CRACDL: variants seen among roughly 807,000 people sequenced by gnomAD.
CRACDL encodes CRACD like.
A neutral mutation model predicts 70.6 loss-of-function variants in CRACDL; 26 were observed. The observed-to-expected ratio is 0.37, with a 90% CI of 0.27 to 0.51. CRACDL has a LOEUF of 0.51. CRACDL is among the 20% of genes least tolerant of loss of function. The pLI, the probability that CRACDL is intolerant of heterozygous loss-of-function variation, is 0.94. For synonymous variants in CRACDL, 618 were observed against 615.2 expected (o/e 1.00, Z -0.07); for missense variants, 1,283 against 1,376.9 (o/e 0.93, Z 1.08).
At chr2:98,849,285 T>C (rs1321543999) in intron 1 of CRACDL, among the ~76,000 whole-genome samples, 5 of 152,072 alleles carry the variant, frequency 3.3e-5, no homozygotes, top group African/African-American at 1.2e-4. Flanking sequence ...GTCAGCTAAC[T>C]GGGAAAGGAT....
rs1164709506 is a variant in CRACDL at position 98,927,013 on chromosome 2, T to G, written c.-11+8925A>C. 2.0e-5 allele frequency among the ~76,000 whole-genome samples: 3 copies of G among 152,212 alleles called. No individual in the cohort carries two copies. The East Asian group carries it at 5.8e-4, about 29-fold the overall frequency. ...GCAAGGTAAATCTGCAGGAACTATT[T>G]GTGTGTGGCTTCCCCTCATTTCTCC... is the stretch of plus-strand genomic sequence containing the variant. On this transcript the variant is annotated intron_variant, in intron 1 of 9. Transcript: ENST00000397899.
At chr2:98,843,121 T>A (rs890246962) in intron 2 of CRACDL, among the ~76,000 whole-genome samples, 1 of 152,174 alleles carries the variant, frequency 6.6e-6, no homozygotes, top group African/African-American at 2.4e-5. Context: ...CTCATTGCAG[T>A]TTTACTCTGC....
chr2:98,866,763 G>C (rs966285496), intron 1 of CRACDL, among the ~76,000 whole-genome samples: 2 of 151,762 alleles, frequency 1.3e-5, no homozygotes, highest in African/African-American at 4.8e-5. Flanking sequence ...AAAGTGCTGG[G>C]ATTACAGGTG....
At chr2:98,916,949 A>G (rs183995267) in intron 1 of CRACDL, among the ~76,000 whole-genome samples, 1 of 152,334 alleles carries the variant, frequency 6.6e-6, no homozygotes, top group Admixed American at 6.5e-5. Flanking sequence ...TGCACCCAGT[A>G]TCTGCTCAAT....
chr2:98,852,311 T>C (rs2104550651), intron 1 of CRACDL, among the ~76,000 whole-genome samples: 1 of 152,318 alleles, frequency 6.6e-6, no homozygotes, highest in African/African-American at 2.4e-5. Context: ...ATTTTTCTAC[T>C]GCTCACTGCA....
At chr2:98,894,904 A>G (rs768782995) in intron 1 of CRACDL, among the ~76,000 whole-genome samples, 4 of 152,220 alleles carry the variant, frequency 2.6e-5, no homozygotes, top group Middle Eastern at 3.4e-3. Flanking sequence ...TCAGGAGTTC[A>G]GGACCAGCCT....
intron 1 of CRACDL, among the ~76,000 whole-genome samples, chr2:98,896,886 A>G (rs1046672019): frequency 6.6e-6 from 1 of 152,190 alleles, no homozygotes; most frequent in Non-Finnish European, 1.5e-5. Context: ...CTAAGAACCC[A>G]TGACTGTACT....
rs72813029 is a variant in CRACDL at position 98,905,265 on chromosome 2, A to G, written c.-11+30673T>C. ...ACTCTGTCTCAAAAAAAAAAAAAAA[A>G]AGAGAGGCTGGGCCCTCATCTCCCT... is the stretch of plus-strand genomic sequence containing the variant. On this transcript the variant is annotated intron_variant, in intron 1 of 9. Transcript: ENST00000397899. Among the ~76,000 whole-genome samples the G allele has an allele frequency of 1.7e-3, 243 of 143,244 alleles. 3 individuals carry two copies. The highest frequency in any genetic ancestry group is 2.2e-3 in the Admixed American group (31 of 14,354). 94.0% of individuals were successfully genotyped at this position (143,244 alleles called of 152,430 possible). A position where few individuals can be genotyped will look rare whatever the true frequency, so the allele number is the denominator to read the frequency against.
intron 1 of CRACDL, among the ~76,000 whole-genome samples, chr2:98,873,977 G>T (rs1707416999): frequency 6.6e-6 from 1 of 152,240 alleles, no homozygotes. Flanking sequence ...CTGCACTCCA[G>T]CCTGGGTGAC....
At position 98,826,991 on chromosome 2, in the gene CRACDL, A is replaced by G. The variant is rs894730509; in HGVS notation, c.719T>C (p.Met240Thr). The change falls in exon 6 of 10, where the codon ATG becomes ACG. Residue 240 changes from methionine (M) to threonine (T), a missense_variant. Coordinates refer to ENST00000397899, the MANE Select transcript of CRACDL (RefSeq NM_207362.3). ...VKPRNQRSSK[M>T]RRLSSRAQSE... The stretch of plus-strand genomic sequence containing the variant: ...CCCAATTACCGATGAGAGCCGCCTC[A>G]TCTTACTCGACCGCTGGTTGCGGGG... 8 of 1,613,494 alleles carry G rather than the reference A, an allele frequency of 5.0e-6. No homozygotes were observed. Among genetic ancestry groups the G allele is most frequent in the Admixed American group, 1.7e-5 (1 of 60,012 alleles).
At chr2:98,862,972 C>A (rs1706996289) in intron 1 of CRACDL, among the ~76,000 whole-genome samples, 1 of 151,986 alleles carries the variant, frequency 6.6e-6, no homozygotes, top group South Asian at 2.1e-4. Flanking sequence ...ATACATTTTA[C>A]ATTTATACAT....
intron 1 of CRACDL, among the ~76,000 whole-genome samples, chr2:98,916,839 G>A (rs920952805): frequency 1.3e-5 from 2 of 152,172 alleles, no homozygotes; most frequent in Non-Finnish European, 2.9e-5. Flanking sequence ...GCAGCTGCCT[G>A]TTGCCCTGAG....
rs79627254 is a variant in CRACDL, at chr2:98,897,490, G to A, written c.-11+38448C>T. ...AAAATCAGTGACTTCTGCTGAAACA[G>A]ATGAGCAAAACACCAAAACCTTGAA... On this transcript the variant is annotated intron_variant, in intron 1 of 9. Coordinates refer to ENST00000397899, the MANE Select transcript of CRACDL (RefSeq NM_207362.3). 2.5e-4 allele frequency: 225 copies of A among 899,464 alleles called. 1 individual carries two copies. In the East Asian group the frequency reaches 0.014, roughly 54 times the overall value. The allele number at this position is 899,464 out of a possible 1,614,324, so 55.7% of individuals were successfully genotyped here.
chr2:98,857,557 G>T (rs1275296077), intron 1 of CRACDL, among the ~76,000 whole-genome samples: 2 of 151,822 alleles, frequency 1.3e-5, no homozygotes, highest in Non-Finnish European at 2.9e-5. Flanking sequence ...AATAACAGAA[G>T]AAAATAGAAT....
intron 7 of CRACDL, among the ~76,000 whole-genome samples, chr2:98,821,131 T>C (rs189316308): frequency 9.8e-5 from 15 of 152,352 alleles, no homozygotes; most frequent in African/African-American, 1.4e-4. Flanking sequence ...GACTTCTCTG[T>C]ACTTATGCAA....
intron 7 of CRACDL, among the ~76,000 whole-genome samples, chr2:98,817,460 T>C (rs988634613): frequency 1.3e-5 from 2 of 152,190 alleles, no homozygotes; most frequent in Admixed American, 1.3e-4. Flanking sequence ...CTAACCCAAA[T>C]GAATTTGAAT....
At chr2:98,836,646 C>A (rs1351474232) in intron 3 of CRACDL, among the ~76,000 whole-genome samples, 1 of 152,140 alleles carries the variant, frequency 6.6e-6, no homozygotes, top group Non-Finnish European at 1.5e-5. Context: ...AACACCAGAA[C>A]TGTGTGCTCC....
chr2:98,923,146 C>T (rs1466652368), intron 1 of CRACDL, among the ~76,000 whole-genome samples: 1 of 151,872 alleles, frequency 6.6e-6, no homozygotes, highest in Non-Finnish European at 1.5e-5. Context: ...CAGTGTGCGC[C>T]TGTAGTCCCA....
chr2:98,812,063 C>A (rs1341512526), intron 7 of CRACDL, among the ~76,000 whole-genome samples: 1 of 152,204 alleles, frequency 6.6e-6, no homozygotes, highest in Non-Finnish European at 1.5e-5. Flanking sequence ...GCAACCTCCA[C>A]CTCCTGGGTT....
Sources: allele counts gnomAD v4.1 joint callset (sites outside exome capture counted in the v4.1 genomes callset), GRCh38; gene constraint gnomAD v4.1.1; transcripts MANE v1.5; gene names NCBI Gene and HGNC (gene_info 2026-07-23, HGNC 2026-07-21).